Variants in RPGRIP1L observed in about 807,000 individuals in gnomAD.
RPGRIP1L encodes the protein protein fantom.
In RPGRIP1L, 131 loss-of-function variants were observed where a neutral mutation model predicts 160.4. That is an observed-to-expected ratio of 0.82 (90% CI 0.71 to 0.94). The LOEUF is 0.94. RPGRIP1L is among the 40% of genes least tolerant of loss of function. The pLI is 0.00. For missense variants in RPGRIP1L, 1,522 were observed against 1,535.8 expected, an observed-to-expected ratio of 0.99 and a Z score of 0.15; for synonymous variants, 510 against 515.8, an observed-to-expected ratio of 0.99 and a Z score of 0.15.
At chr16:53,690,858 G>A (rs1970337664) in intron 4 of RPGRIP1L, among the ~76,000 whole-genome samples, 1 of 152,162 alleles carries the variant, frequency 6.6e-6, no homozygotes, top group South Asian at 2.1e-4. Context: ...ATGTAAAACA[G>A]TTACTCAGTG....
chr16:53,622,654 G>A (rs933705270), intron 22 of RPGRIP1L, among the ~76,000 whole-genome samples: 8 of 152,114 alleles, frequency 5.3e-5, no homozygotes, highest in Admixed American at 2.6e-4. Context: ...AGGTGCAGTG[G>A]CTCATGCTTG....
chr16:53,672,801 T>G, intron 8 of RPGRIP1L, 69 bp downstream of exon 8: 1 of 1,383,856 alleles, frequency 7.2e-7, no homozygotes, highest in Non-Finnish European at 1.0e-6. Context: ...AATATCTCTA[T>G]TTTACTTTTT....
At chr16:53,699,198 C>T (rs1208194216) in intron 2 of RPGRIP1L, among the ~76,000 whole-genome samples, 8 of 151,710 alleles carry the variant, frequency 5.3e-5, no homozygotes, top group Non-Finnish European at 7.4e-5. Flanking sequence ...GCAGCATGCT[C>T]GTTAAGAGTC....
intron 22 of RPGRIP1L, among the ~76,000 whole-genome samples, chr16:53,623,878 T>C (rs1363885451): frequency 2.6e-5 from 4 of 152,210 alleles, no homozygotes; most frequent in Admixed American, 6.5e-5. Context: ...ACTGTGTATC[T>C]TTTATATATT....
intron 16 of RPGRIP1L, 113 bp downstream of exon 16, chr16:53,648,851 T>C: frequency 1.0e-6 from 1 of 990,908 alleles, no homozygotes; most frequent in South Asian, 1.4e-5. Flanking sequence ...AAATAAAAGT[T>C]AAAAAAAGAC....
chr16:53,697,978 C>T (rs1970945436), intron 2 of RPGRIP1L, among the ~76,000 whole-genome samples: 2 of 151,764 alleles, frequency 1.3e-5, no homozygotes, highest in South Asian at 4.2e-4. Flanking sequence ...CCCGGCCGCC[C>T]ATCGTCTGAG....
At chr16:53,612,268 C>A (rs1964095870) in intron 24 of RPGRIP1L, among the ~76,000 whole-genome samples, 1 of 152,180 alleles carries the variant, frequency 6.6e-6, no homozygotes, top group South Asian at 2.1e-4. Context: ...CAAACACCAG[C>A]TCCTAGCTTA....
Position 53,640,094 on chromosome 16 carries a change from G to A in RPGRIP1L, c.2958+939C>T, listed in dbSNP as rs546000808. Among the ~76,000 whole-genome samples the A allele has an allele frequency of 4.5e-4, 69 of 152,290 alleles. 1 individual carries two copies. Among genetic ancestry groups the A allele is most frequent in the Middle Eastern group, 3.4e-3 (1 of 294 alleles). On this transcript the variant is annotated intron_variant, in intron 19 of 26. Coordinates refer to ENST00000647211, the MANE Select transcript of RPGRIP1L (RefSeq NM_015272.5). Reference sequence around the variant, plus strand: ...ATACAGTATATATTTTTAAAGTACAGCTGACACCTTTTGTGGATGACCTGG... The same window carrying A: ...ATACAGTATATATTTTTAAAGTACAACTGACACCTTTTGTGGATGACCTGG...
chr16:53,599,616 T>C lies in RPGRIP1L; in HGVS notation c.*2460A>G, dbSNP rs1963296078. 1 of 152,254 alleles carries C rather than the reference T, an allele frequency of 6.6e-6. No homozygotes were observed. The highest frequency in any genetic ancestry group is 2.1e-4 in the South Asian group (1 of 4,834). 9.4% of individuals were successfully genotyped at this position (152,254 alleles called of 1,614,324 possible). A position where few individuals can be genotyped will look rare whatever the true frequency, so the allele number is the denominator to read the frequency against. On this transcript the variant is annotated 3_prime_UTR_variant, in exon 27 of 27. Transcript: ENST00000647211. ...ACACCAGCAACACCTTAAGCTGGTA[T>C]CTGTGTGGCAAGGCCACTGCTGGTG...
chr16:53,702,532 C>T (rs1164441137), intron 1 of RPGRIP1L, among the ~76,000 whole-genome samples: 2 of 152,260 alleles, frequency 1.3e-5, no homozygotes, highest in South Asian at 2.1e-4. Flanking sequence ...TTACTTTCCT[C>T]GAACCCCCCA....
At chr16:53,676,911 G>A (rs1969227075) in intron 6 of RPGRIP1L, among the ~76,000 whole-genome samples, 1 of 152,058 alleles carries the variant, frequency 6.6e-6, no homozygotes, top group Non-Finnish European at 1.5e-5. Flanking sequence ...GGGATTACAG[G>A]TGTGAGCCAC....
At chr16:53,603,289 G>C (rs938489136) in intron 26 of RPGRIP1L, among the ~76,000 whole-genome samples, 2 of 152,184 alleles carry the variant, frequency 1.3e-5, no homozygotes, top group African/African-American at 4.8e-5. Flanking sequence ...CTGGATTTTT[G>C]TAAGTCTGAT....
At chr16:53,639,674 A>C (rs1042659309) in intron 19 of RPGRIP1L, among the ~76,000 whole-genome samples, 2 of 152,162 alleles carry the variant, frequency 1.3e-5, no homozygotes, top group African/African-American at 4.8e-5. Flanking sequence ...CAAGTTACTT[A>C]ACCTCTCTAA....
At position 53,692,029 on chromosome 16, in the gene RPGRIP1L, A is replaced by T. The variant is rs562828545; in HGVS notation, c.529+37T>A. On this transcript the variant is annotated intron_variant, in intron 4 of 26. Coordinates refer to ENST00000647211, the MANE Select transcript of RPGRIP1L (RefSeq NM_015272.5). The stretch of plus-strand genomic sequence containing the variant: ...TTTTTTTGTGTTAAACAATCTAATA[A>T]GACTTCAGTTTAGATTTAACGTAAG... The T allele has an allele frequency of 2.5e-5, 40 of 1,588,990 alleles. 2 individuals are homozygous for T. The South Asian group carries it at 4.2e-4, about 17-fold the overall frequency.
chr16:53,627,143 TTCAGCCACTACAC>T (rs1965240217), intron 22 of RPGRIP1L, among the ~76,000 whole-genome samples: 1 of 152,212 alleles, frequency 6.6e-6, no homozygotes, highest in South Asian at 2.1e-4. Context: ...TTCCTCTGGT[TTCAGCCACTACAC>T]GCAGCCATAC....
At chr16:53,700,984 T>C (rs1220141397) in intron 1 of RPGRIP1L, among the ~76,000 whole-genome samples, 2 of 152,116 alleles carry the variant, frequency 1.3e-5, no homozygotes, top group African/African-American at 4.8e-5. Context: ...ATTTAAGAAA[T>C]ACCTCCTCTC....
intron 22 of RPGRIP1L, among the ~76,000 whole-genome samples, chr16:53,622,799 C>A (rs950794016): frequency 7.4e-6 from 1 of 135,810 alleles, no homozygotes; most frequent in Admixed American, 7.3e-5. Context: ...AAAACAAAAA[C>A]CACACACACA....
chr16:53,619,664 T>C (rs1017604105), intron 23 of RPGRIP1L, among the ~76,000 whole-genome samples: 1 of 152,236 alleles, frequency 6.6e-6, no homozygotes, highest in African/African-American at 2.4e-5. Flanking sequence ...GGTATTATGC[T>C]AATATATGTA....
At chr16:53,625,453 G>A (rs532808798) in intron 22 of RPGRIP1L, among the ~76,000 whole-genome samples, 8,106 of 142,764 alleles carry the variant, frequency 0.057, 361 homozygotes, top group African/African-American at 0.13. Flanking sequence ...GCCTCCACCC[G>A]GCAGCCGCCC....
Sources: gnomAD v4.1 joint callset for allele counts (sites outside exome capture counted in the v4.1 genomes callset) on GRCh38, gnomAD v4.1.1 for gene constraint, MANE v1.5 for transcripts, NCBI Gene and HGNC (gene_info 2026-07-23, HGNC 2026-07-21) for gene names.